Variants in RAPGEF6 observed in about 807,000 individuals in gnomAD.
The protein encoded by RAPGEF6 is Rap guanine nucleotide exchange factor 6.
In RAPGEF6, 56 loss-of-function variants were observed where a neutral mutation model predicts 171.4. The observed-to-expected ratio is 0.33, with a 90% CI of 0.26 to 0.41. The LOEUF is 0.41. Among genes scored for constraint, RAPGEF6 ranks in the 10% least tolerant of loss-of-function variants. RAPGEF6 has a pLI of 1.00. For missense variants in RAPGEF6, 1,674 were observed against 1,921.4 expected, an observed-to-expected ratio of 0.87 and a Z score of 2.41; for synonymous variants, 692 against 650.1, an observed-to-expected ratio of 1.06 and a Z score of -0.98.
chr5:131,535,835 C>G (rs1000396497), intron 6 of RAPGEF6, among the ~76,000 whole-genome samples: 1 of 152,052 alleles, frequency 6.6e-6, no homozygotes, highest in East Asian at 1.9e-4. Context: ...ACTGTAAACA[C>G]ATCTTTTATG....
intron 21 of RAPGEF6, among the ~76,000 whole-genome samples, chr5:131,447,922 A>G (rs1561471862): frequency 6.6e-6 from 1 of 152,214 alleles, no homozygotes; most frequent in African/African-American, 2.4e-5. Context: ...GAGACCTCAA[A>G]ACTTGCAGAA....
Position 131,431,334 on chromosome 5 carries a change from C to A in RAPGEF6, c.3990G>T (p.Lys1330Asn). The A allele has an allele frequency of 6.3e-7, 1 of 1,593,080 alleles. No homozygotes were observed. Among genetic ancestry groups the A allele is most frequent in the Non-Finnish European group, 8.6e-7 (1 of 1,164,662 alleles). ...CAGCTAAACACTTGATTAGAGATGG[C>A]TTCAAGAGTGTCCACCTAAAATTGG... ...SQHGPGWTLL[K>N]PSLIKCLAVS... The change falls in exon 26 of 28, where the codon AAG (lysine) becomes AAT (asparagine). Residue 1330 changes from lysine to asparagine, a missense_variant. Coordinates refer to ENST00000509018, the MANE Select transcript of RAPGEF6 (RefSeq NM_016340.6).
intron 24 of RAPGEF6, chr5:131,436,477 T>G (rs536212958): frequency 8.7e-7 from 1 of 1,153,440 alleles, no homozygotes; most frequent in East Asian, 2.6e-5. Context: ...ATCTTGATAA[T>G]ATCTGAAAAA....
intron 15 of RAPGEF6, among the ~76,000 whole-genome samples, chr5:131,482,533 G>A (rs568732462): frequency 5.4e-4 from 82 of 152,194 alleles, no homozygotes; most frequent in Middle Eastern, 3.4e-3. Flanking sequence ...GAACTCCTGG[G>A]CTCAAATGAT....
At chr5:131,605,979 G>C (rs1157080962) in intron 1 of RAPGEF6, among the ~76,000 whole-genome samples, 16 of 136,040 alleles carry the variant, frequency 1.2e-4, no homozygotes, top group Admixed American at 6.3e-4. Flanking sequence ...GCAGTGAGCT[G>C]AGATTGTGCC....
intron 18 of RAPGEF6, among the ~76,000 whole-genome samples, chr5:131,463,244 G>A (rs1330160641): frequency 6.6e-6 from 1 of 152,074 alleles, no homozygotes; most frequent in African/African-American, 2.4e-5. Flanking sequence ...AAGCTTTCTA[G>A]GGATCTTGTT....
intron 7 of RAPGEF6, 119 bp from the exon 8 acceptor site, chr5:131,510,610 G>A (rs1218771638): frequency 3.6e-6 from 3 of 842,730 alleles, no homozygotes; most frequent in Middle Eastern, 3.2e-4. Flanking sequence ...AACGCTGGAT[G>A]CTGCATCAAG....
chr5:131,601,043 A>G (rs1312320636), intron 3 of RAPGEF6, among the ~76,000 whole-genome samples: 5 of 148,342 alleles, frequency 3.4e-5, no homozygotes, highest in African/African-American at 1.2e-4. Context: ...TGAGCCTAGG[A>G]GTTCAAGACT....
chr5:131,434,085 T>C (rs2149807444), intron 24 of RAPGEF6, among the ~76,000 whole-genome samples: 1 of 152,372 alleles, frequency 6.6e-6, no homozygotes, highest in East Asian at 1.9e-4. Flanking sequence ...TGACCTGATC[T>C]GAATCCCAAA....
intron 7 of RAPGEF6, among the ~76,000 whole-genome samples, chr5:131,516,888 T>C (rs1419011038): frequency 6.6e-6 from 1 of 152,206 alleles, no homozygotes; most frequent in Non-Finnish European, 1.5e-5. Context: ...TGAAGTTTCT[T>C]TGAGGGCCAA....
intron 21 of RAPGEF6, among the ~76,000 whole-genome samples, chr5:131,449,042 G>C (rs1431363430): frequency 6.6e-6 from 1 of 152,032 alleles, no homozygotes; most frequent in Non-Finnish European, 1.5e-5. Flanking sequence ...TAAAGAAGGT[G>C]GCTCACAAAA....
intron 3 of RAPGEF6, among the ~76,000 whole-genome samples, chr5:131,595,211 C>A (rs1370972903): frequency 6.6e-6 from 1 of 152,176 alleles, no homozygotes; most frequent in Non-Finnish European, 1.5e-5. Flanking sequence ...TTCCCCCATG[C>A]TGTTCTCATG....
chr5:131,599,099 C>T (rs569876470), intron 3 of RAPGEF6, among the ~76,000 whole-genome samples: 2 of 152,238 alleles, frequency 1.3e-5, no homozygotes, highest in South Asian at 2.1e-4. Context: ...TTACTTGATG[C>T]CAGGAGTTTG....
chr5:131,435,516 G>C (rs1751959012), intron 24 of RAPGEF6, among the ~76,000 whole-genome samples: 1 of 152,036 alleles, frequency 6.6e-6, no homozygotes, highest in African/African-American at 2.4e-5. Flanking sequence ...AGAACCACCT[G>C]GCAAGCCAAT....
At position 131,447,015 on chromosome 5, in the gene RAPGEF6, C is replaced by T. The variant is rs537947024; in HGVS notation, c.3201-312G>A. 1.4e-4 allele frequency: 36 copies of T among 252,874 alleles called. No individual in the cohort carries two copies. In the South Asian group the frequency reaches 2.0e-3, roughly 14 times the overall value. The allele number at this position is 252,874 out of a possible 1,614,324, so 15.7% of individuals were successfully genotyped here. A position where few individuals can be genotyped will look rare whatever the true frequency, so the allele number is the denominator to read the frequency against. On this transcript the variant is annotated intron_variant, in intron 21 of 27. Transcript: ENST00000509018. ...TAACAAGAAAAAGCATTCCTCTGGTCCTGGAGGCCACCCACGCTTTGAAGA... is the reference window on the plus strand; with the variant it reads ...TAACAAGAAAAAGCATTCCTCTGGTTCTGGAGGCCACCCACGCTTTGAAGA...
At chr5:131,469,652 C>T in intron 17 of RAPGEF6, 1 of 512,456 alleles carries the variant, frequency 2.0e-6, no homozygotes, top group Non-Finnish European at 3.3e-6. Flanking sequence ...TAAAAAGACA[C>T]ATGCCAGTTA....
chr5:131,557,553 C>T (rs890394010), intron 5 of RAPGEF6, among the ~76,000 whole-genome samples: 2 of 152,056 alleles, frequency 1.3e-5, no homozygotes, highest in Non-Finnish European at 2.9e-5. Flanking sequence ...CTTTTTTCCC[C>T]TGCCTAAATG....
rs201724766 is a variant in RAPGEF6, at chr5:131,521,491, T to A, written c.526A>T (p.Thr176Ser). ...GTCACCTGTGGATGAGGGTTTTCTG[T>A]GAGATGCATCTTGGTAAGATCAGCT... is the stretch of plus-strand genomic sequence containing the variant. ...LPADLTKMHLTENPHPQVTHV... is the reference protein window; with the variant it reads ...LPADLTKMHLSENPHPQVTHV... The change falls in exon 7 of 28, where the codon ACA becomes TCA. Residue 176 changes from threonine (T) to serine (S), a missense_variant. By Grantham distance (58) the Thr-to-Ser change is moderately conservative (BLOSUM62 1). This residue lies in a region of RAPGEF6 where 1,116 missense variants were observed against 1,321.5 expected (regional missense o/e 0.84). Transcript: ENST00000509018. The A allele has an allele frequency of 2.1e-5, 34 of 1,611,922 alleles. No individual in the cohort carries two copies. In the Admixed American group the frequency reaches 3.0e-4, roughly 14 times the overall value.
intron 4 of RAPGEF6, among the ~76,000 whole-genome samples, chr5:131,576,859 AG>A (rs888013039): frequency 7.9e-5 from 12 of 152,134 alleles, no homozygotes; most frequent in African/African-American, 2.9e-4. Context: ...CCCATCTCTT[AG>A]AACCTCTCAT....
Sources: gnomAD v4.1 joint callset for allele counts (sites outside exome capture counted in the v4.1 genomes callset) on GRCh38, gnomAD v4.1.1 for gene constraint, gnomAD v4.1.1 regional missense constraint, MANE v1.5 for transcripts, NCBI Gene and HGNC (gene_info 2026-07-23, HGNC 2026-07-21) for gene names.